Variants in ARL6IP6 observed in about 807,000 individuals in gnomAD.
The protein encoded by ARL6IP6 is ARF like GTPase 6 interacting protein 6, also known as ADP-ribosylation factor-like protein 6-interacting protein 6.
Under a neutral mutation model 21.5 loss-of-function variants are expected in ARL6IP6, and 22 were observed. The observed-to-expected ratio is 1.02, with a 90% CI of 0.73 to 1.46. The LOEUF (loss-of-function observed/expected upper bound fraction) is 1.46. ARL6IP6 is among the 40% of genes most tolerant of loss of function. The probability of loss-of-function intolerance (pLI) is 0.00; values close to 1 mark genes in which losing one functional copy is unlikely to be tolerated. For synonymous variants in ARL6IP6, 164 were observed against 125.3 expected (o/e 1.31, Z -2.06); for missense variants, 388 against 299.8 (o/e 1.29, Z -2.17).
chr2:152,736,310 G>A (rs909557901), intron 3 of ARL6IP6, among the ~76,000 whole-genome samples: 2 of 152,056 alleles, frequency 1.3e-5, no homozygotes, highest in African/African-American at 4.8e-5. Context: ...AAAAGTAATC[G>A]TATTTTTTCC....
At chr2:152,754,766 T>C (rs1481720511) in intron 3 of ARL6IP6, among the ~76,000 whole-genome samples, 4 of 152,130 alleles carry the variant, frequency 2.6e-5, no homozygotes, top group Non-Finnish European at 5.9e-5. Flanking sequence ...ATCCAAGTAG[T>C]GAGTAAGATG....
Position 152,734,983 on chromosome 2 carries a change from T to C in ARL6IP6, c.455-11T>C. 1.9e-6 allele frequency: 3 copies of C among 1,610,328 alleles called. No individual in the cohort carries two copies. Among genetic ancestry groups the C allele is most frequent in the Non-Finnish European group, 2.5e-6 (3 of 1,176,976 alleles). ...AATAATGTACTTTTTCCCCTCTCTTTTCCTGTTAAGGATTCTGGACTCTAC... is the reference window on the plus strand; with the variant it reads ...AATAATGTACTTTTTCCCCTCTCTTCTCCTGTTAAGGATTCTGGACTCTAC... On this transcript the variant is annotated splice_polypyrimidine_tract_variant and intron_variant, in intron 2 of 3. Coordinates refer to ENST00000326446, the MANE Select transcript of ARL6IP6 (RefSeq NM_152522.7).
chr2:152,739,248 G>A (rs1027330299), intron 3 of ARL6IP6, among the ~76,000 whole-genome samples: 7 of 152,136 alleles, frequency 4.6e-5, no homozygotes, highest in Non-Finnish European at 1.0e-4. Context: ...GCCTCCCAAA[G>A]TACTGGGATT....
At chr2:152,727,101 T>C (rs1700082930) in intron 2 of ARL6IP6, among the ~76,000 whole-genome samples, 2 of 152,198 alleles carry the variant, frequency 1.3e-5, no homozygotes, top group African/African-American at 2.4e-5. Context: ...ATTGTTGTCA[T>C]AGGAGATGAC....
intron 2 of ARL6IP6, chr2:152,732,448 C>T (rs191026597): frequency 1.2e-4 from 46 of 387,738 alleles, no homozygotes; most frequent in African/African-American, 9.7e-4. Flanking sequence ...CATGTTTTAA[C>T]ATTTGTAGTT....
At chr2:152,755,481 GCTCTGCCT>G (rs1430238041) in intron 3 of ARL6IP6, among the ~76,000 whole-genome samples, 1 of 152,110 alleles carries the variant, frequency 6.6e-6, no homozygotes, top group Non-Finnish European at 1.5e-5. Context: ...TGTACACCTG[GCTCTGCCT>G]TTTAGATAGC....
At chr2:152,725,996 T>C (rs969010621) in intron 2 of ARL6IP6, among the ~76,000 whole-genome samples, 21 of 152,222 alleles carry the variant, frequency 1.4e-4, no homozygotes, top group African/African-American at 4.1e-4. Context: ...TTCCCTGTTA[T>C]ACTGAAGATT....
upstream of ARL6IP6, chr2:152,718,002 A>C: frequency 6.0e-6 from 6 of 993,478 alleles, no homozygotes; most frequent in Non-Finnish European, 6.0e-6. Flanking sequence ...CCAGGTGGAG[A>C]GCGCGCGCCT....
intron 2 of ARL6IP6, chr2:152,732,699 T>C (rs1161155208): frequency 3.5e-6 from 1 of 285,360 alleles, no homozygotes; most frequent in Non-Finnish European, 6.9e-6. Context: ...GAGGAATTGG[T>C]TCCAGGACCC....
intron 1 of ARL6IP6, chr2:152,720,172 TAA>T (rs1309403890): frequency 1.7e-5 from 3 of 180,560 alleles, no homozygotes; most frequent in Non-Finnish European, 3.1e-5. Context: ...CTTTGTATCA[TAA>T]AGTCACAAAA....
At chr2:152,742,563 C>G (rs577757195) in intron 3 of ARL6IP6, among the ~76,000 whole-genome samples, 1 of 127,946 alleles carries the variant, frequency 7.8e-6, no homozygotes, top group Non-Finnish European at 1.6e-5. Context: ...GAGCAAGATA[C>G]GCTCTTTAAA....
Position 152,734,841 on chromosome 2 carries a change from G to A in ARL6IP6, c.455-153G>A, listed in dbSNP as rs143180367. On this transcript the variant is annotated intron_variant, in intron 2 of 3. Transcript: ENST00000326446. ...GTAATGTACACTTATTTCTACATAA[G>A]TTAGCTTGCAATAAGTTCAAATCTC... Among the ~76,000 whole-genome samples, 4 of 152,240 alleles carry A rather than the reference G, an allele frequency of 2.6e-5. No homozygotes were observed. The East Asian group carries it at 5.8e-4, about 22-fold the overall frequency.
chr2:152,720,076 C>A (rs978576522), intron 1 of ARL6IP6: 1 of 401,536 alleles, frequency 2.5e-6, no homozygotes, highest in Non-Finnish European at 5.1e-6. Context: ...ATTTATCATT[C>A]CCCTCCCCAC....
At chr2:152,759,527 A>G (rs999512123) in intron 3 of ARL6IP6, among the ~76,000 whole-genome samples, 1 of 152,216 alleles carries the variant, frequency 6.6e-6, no homozygotes, top group Non-Finnish European at 1.5e-5. Context: ...GATTTGAAAC[A>G]ACTGTAATTG....
intron 2 of ARL6IP6, among the ~76,000 whole-genome samples, chr2:152,721,041 C>A (rs1377070162): frequency 1.3e-5 from 2 of 152,140 alleles, no homozygotes. Context: ...CTGCAGTGAA[C>A]CGTGATAGTT....
intron 2 of ARL6IP6, among the ~76,000 whole-genome samples, chr2:152,730,561 TGATA>T (rs1293940020): frequency 6.6e-6 from 1 of 152,136 alleles, no homozygotes; most frequent in African/African-American, 2.4e-5. Context: ...CCCTCTATCC[TGATA>T]GATTGGTAGG....
chr2:152,717,771 G>C (rs951619285), upstream of ARL6IP6: 1 of 1,231,338 alleles, frequency 8.1e-7, no homozygotes, highest in African/African-American at 1.5e-5. Context: ...CGTAGGGGGT[G>C]GGGCAGTGGG....
intron 2 of ARL6IP6, among the ~76,000 whole-genome samples, chr2:152,729,630 G>T (rs1203117356): frequency 1.3e-5 from 2 of 152,088 alleles, no homozygotes; most frequent in Non-Finnish European, 1.5e-5. Flanking sequence ...AAGGTCTCCA[G>T]AATATGTGAA....
chr2:152,739,844 AAGG>A (rs1700726995), intron 3 of ARL6IP6, among the ~76,000 whole-genome samples: 1 of 152,214 alleles, frequency 6.6e-6, no homozygotes, highest in Non-Finnish European at 1.5e-5. Context: ...GCAAAAGGCA[AAGG>A]AGGAGCAAAG....
Sources: allele counts gnomAD v4.1 joint callset (sites outside exome capture counted in the v4.1 genomes callset), GRCh38; gene constraint gnomAD v4.1.1; transcripts MANE v1.5; gene names NCBI Gene and HGNC (gene_info 2026-07-23, HGNC 2026-07-21).